The following IFT140 variants were observed in gnomAD, a reference collection of about 807,000 sequenced individuals.
IFT140 encodes intraflagellar transport protein 140 homolog.
IFT140 carries 133 observed loss-of-function variants against 164.6 expected under a neutral mutation model. The observed-to-expected ratio is 0.81, with a 90% CI of 0.70 to 0.93. The LOEUF (loss-of-function observed/expected upper bound fraction) is 0.93. Among genes scored for constraint, IFT140 ranks in the 40% least tolerant of loss-of-function variants. IFT140 has a pLI of 0.00. For synonymous variants in IFT140, 860 were observed against 817.3 expected (o/e 1.05, Z -0.89); for missense variants, 2,045 against 1,972.3 (o/e 1.04, Z -0.70).
chr16:1,516,809 G>C (rs1227958599), intron 30 of IFT140, among the ~76,000 whole-genome samples: 2 of 150,272 alleles, frequency 1.3e-5, no homozygotes, highest in Non-Finnish European at 3.0e-5. Context: ...AAAGAAGGCA[G>C]GAAAAAAGGT....
At position 1,592,417 on chromosome 16, in the gene IFT140, T is replaced by G. The variant is rs756871157; in HGVS notation, c.491+50A>C. ...GGTCAGGAGCAGCCCGCTTCCCACC[T>G]CCCCCGATGTAAACACACACACAGG... is the stretch of plus-strand genomic sequence containing the variant. On this transcript the variant is annotated intron_variant, in intron 5 of 30. Coordinates refer to ENST00000426508, the MANE Select transcript of IFT140 (RefSeq NM_014714.4). 12 of 1,609,750 alleles carry G rather than the reference T, an allele frequency of 7.5e-6. No individual in the cohort carries two copies. In the South Asian group the frequency reaches 1.2e-4, roughly 16 times the overall value.
chr16:1,557,727 C>G (rs2033177945), intron 19 of IFT140: 2 of 588,580 alleles, frequency 3.4e-6, no homozygotes, highest in South Asian at 4.2e-5. Context: ...GCCCGAGAGG[C>G]TCCCAGCACC....
intron 19 of IFT140, chr16:1,530,811 C>A (rs1220302767): frequency 1.3e-5 from 2 of 150,960 alleles, no homozygotes; most frequent in African/African-American, 4.9e-5. Context: ...GCCAGCACAC[C>A]GTCAGATGCC....
chr16:1,542,145 C>T (rs1028416290), intron 19 of IFT140: 83 of 1,456,892 alleles, frequency 5.7e-5, no homozygotes, highest in Non-Finnish European at 2.2e-5. Flanking sequence ...ACAGGAGGGT[C>T]CTGAGGCCTT....
At chr16:1,512,251 C>T (rs10083822) in intron 30 of IFT140, among the ~76,000 whole-genome samples, 29,245 of 133,190 alleles carry the variant, frequency 0.22, 3,582 homozygotes, top group African/African-American at 0.33. Flanking sequence ...GGGTGAGGGG[C>T]GGTGGAGGGC....
chr16:1,551,694 A>C lies in IFT140; in HGVS notation c.2399+6241T>G, dbSNP rs1011207091. 6.6e-6 allele frequency among the ~76,000 whole-genome samples: 1 copy of C among 152,204 alleles called. No individual in the cohort carries two copies. The highest frequency in any genetic ancestry group is 1.5e-5 in the Non-Finnish European group (1 of 68,032). On this transcript the variant is annotated intron_variant, in intron 19 of 30. Coordinates refer to ENST00000426508, the MANE Select transcript of IFT140 (RefSeq NM_014714.4). This position sits in a 1 kb window ranked among gnomAD's most constrained non-coding sequence, Gnocchi z 4.0. ...ACATGCTTGTTCACGGAAGAGCCTAAGATCAGCGGCACTTCAGTCTTCTAC... is the reference window on the plus strand; with the variant it reads ...ACATGCTTGTTCACGGAAGAGCCTACGATCAGCGGCACTTCAGTCTTCTAC...
intron 30 of IFT140, chr16:1,514,309 G>T (rs1414326241): frequency 6.6e-6 from 1 of 152,126 alleles, no homozygotes; most frequent in Non-Finnish European, 1.5e-5. Context: ...GGCGGAGCTT[G>T]CAGTGAGCCG....
Position 1,558,141 on chromosome 16 carries a change from G to T in IFT140, c.2200-7C>A. On this transcript the variant is annotated splice_polypyrimidine_tract_variant and splice_region_variant and intron_variant, in intron 18 of 30. Coordinates refer to ENST00000426508, the MANE Select transcript of IFT140 (RefSeq NM_014714.4). ...CTCTGTCTGCTTCTTCGGGCTAAAT[G>T]ACAAAGGACCCATGTGTTTGTTAAT... 5.0e-6 allele frequency: 8 copies of T among 1,614,014 alleles called. No homozygotes were observed. Among genetic ancestry groups the T allele is most frequent in the Non-Finnish European group, 6.8e-6 (8 of 1,179,926 alleles).
intron 18 of IFT140, among the ~76,000 whole-genome samples, chr16:1,559,743 G>C (rs1264842297): frequency 2.0e-5 from 3 of 152,208 alleles, no homozygotes; most frequent in African/African-American, 7.2e-5. Context: ...GAGTGTCTCA[G>C]GCTTCCAATA....
At chr16:1,528,200 A>G (rs2029933265) in intron 19 of IFT140, among the ~76,000 whole-genome samples, 1 of 152,106 alleles carries the variant, frequency 6.6e-6, no homozygotes, top group Non-Finnish European at 1.5e-5. Flanking sequence ...TCCAAGACAC[A>G]GCTCAGTGTG....
At chr16:1,595,763 A>T (rs1314398998) in intron 4 of IFT140, among the ~76,000 whole-genome samples, 1 of 152,106 alleles carries the variant, frequency 6.6e-6, no homozygotes, top group Admixed American at 6.5e-5. Context: ...AAATAAAAAC[A>T]CTAGGCAGCC....
At chr16:1,555,108 C>A in intron 19 of IFT140, 1 of 1,513,504 alleles carries the variant, frequency 6.6e-7, no homozygotes, top group Non-Finnish European at 8.8e-7. Context: ...CACCAAGTCA[C>A]TTCCCCTGCT....
intron 19 of IFT140, among the ~76,000 whole-genome samples, chr16:1,537,264 C>T (rs752573789): frequency 1.7e-4 from 26 of 152,254 alleles, no homozygotes; most frequent in Non-Finnish European, 3.4e-4. Context: ...CCTCCTCACG[C>T]ACACCAGGCC....
chr16:1,605,644 T>C (rs2036020084), intron 3 of IFT140, among the ~76,000 whole-genome samples: 1 of 152,080 alleles, frequency 6.6e-6, no homozygotes, highest in Non-Finnish European at 1.5e-5. Flanking sequence ...GACCTCATGA[T>C]CCACCCACCC....
At chr16:1,525,184 C>A (rs751309159) in intron 22 of IFT140, 47 bp downstream of exon 22, 3 of 1,473,268 alleles carry the variant, frequency 2.0e-6, no homozygotes, top group Non-Finnish European at 2.8e-6. Flanking sequence ...TCCCTGCAAA[C>A]CTCCAGGATG....
At chr16:1,511,177 A>G in intron 30 of IFT140, 27 bp from the exon 31 acceptor site, 1 of 1,575,134 alleles carries the variant, frequency 6.3e-7, no homozygotes, top group Non-Finnish European at 8.6e-7. Context: ...GACATTACTC[A>G]GCTTTCCTGA....
chr16:1,537,134 G>A (rs2031153324), intron 19 of IFT140, among the ~76,000 whole-genome samples: 1 of 152,224 alleles, frequency 6.6e-6, no homozygotes, highest in Admixed American at 6.5e-5. Context: ...CTGGGTGCTG[G>A]TTTGCTCACA....
At chr16:1,554,181 C>A in intron 19 of IFT140, 1 of 1,250,628 alleles carries the variant, frequency 8.0e-7, no homozygotes, top group Non-Finnish European at 1.0e-6. Context: ...CCCATCTCCG[C>A]CCTGCCTGAG....
At chr16:1,520,411 G>T (rs1480615269) in intron 27 of IFT140, 68 bp from the exon 28 acceptor site, 2 of 1,532,302 alleles carry the variant, frequency 1.3e-6, no homozygotes, top group Admixed American at 1.7e-5. Context: ...GGGACCCCGA[G>T]CAGGAGCTCT....
Sources: allele counts gnomAD v4.1 joint callset (sites outside exome capture counted in the v4.1 genomes callset), GRCh38; gene constraint gnomAD v4.1.1; non-coding constraint Gnocchi (gnomAD v3.1); transcripts MANE v1.5; gene names NCBI Gene and HGNC (gene_info 2026-07-23, HGNC 2026-07-21).